The following FHIP1B variants were observed in gnomAD, a reference collection of about 807,000 sequenced individuals.
FHIP1B encodes the protein FHF complex subunit HOOK interacting protein 1B.
Under a neutral mutation model 82.2 loss-of-function variants are expected in FHIP1B, and 28 were observed. That is an observed-to-expected ratio of 0.34 (90% confidence interval 0.25 to 0.47). The LOEUF (loss-of-function observed/expected upper bound fraction) is 0.47, where lower values mean the gene tolerates loss of function less well. Ranked by LOEUF, FHIP1B falls within the 20% of genes least tolerant of loss-of-function variation. FHIP1B has a pLI of 1.00. For missense variants in FHIP1B, 1,110 were observed against 1,262.6 expected, an observed-to-expected ratio of 0.88 and a Z score of 1.83; for synonymous variants, 585 against 516.1, an observed-to-expected ratio of 1.13 and a Z score of -1.81.
rs186682833 is a variant in FHIP1B, at chr11:6,222,832, G to A, written c.1002C>T (p.Val334=). The change falls in exon 5 of 12, where the codon GTC becomes GTT. Residue 334 remains valine, a synonymous_variant. Transcript: ENST00000449352. Reference sequence around the variant, plus strand: ...TCACCTTGTGCAAGGCAGGACCCATGACAGGCACCAGGAACCCATTATGGA... The same window carrying A: ...TCACCTTGTGCAAGGCAGGACCCATAACAGGCACCAGGAACCCATTATGGA... ...DYIHNGFLVP[V]MGPALHKTSV... is the part of the protein sequence containing the mutation. 223 of 1,614,126 alleles carry A rather than the reference G, an allele frequency of 1.4e-4. No individual in the cohort carries two copies. Among genetic ancestry groups the A allele is most frequent in the Non-Finnish European group, 1.8e-4 (211 of 1,180,006 alleles).
intron 1 of FHIP1B, among the ~76,000 whole-genome samples, chr11:6,228,597 A>C (rs553487569): frequency 1.3e-5 from 2 of 152,326 alleles, no homozygotes; most frequent in South Asian, 2.1e-4. Flanking sequence ...TAAAGGATGG[A>C]TGCTACTTCA....
At chr11:6,227,422 A>G (rs190771948) in intron 1 of FHIP1B, among the ~76,000 whole-genome samples, 128 of 152,372 alleles carry the variant, frequency 8.4e-4, no homozygotes, top group African/African-American at 2.8e-3. Flanking sequence ...GACCTGGCAA[A>G]CAAATGGGGG....
At chr11:6,234,009 G>T (rs770778949) in intron 1 of FHIP1B, among the ~76,000 whole-genome samples, 1 of 152,138 alleles carries the variant, frequency 6.6e-6, no homozygotes, top group Non-Finnish European at 1.5e-5. Context: ...GGGAGCAGAG[G>T]AGTCAGGTGC....
intron 6 of FHIP1B, among the ~76,000 whole-genome samples, 192 bp from the exon 7 acceptor site, chr11:6,219,242 G>A (rs1024000406): frequency 1.1e-4 from 16 of 152,286 alleles, no homozygotes; most frequent in Non-Finnish European, 5.9e-5. Flanking sequence ...CGATCTTTGC[G>A]AGCAAGACTT....
In FHIP1B at chr11:6,223,403, A is replaced by T. The variant is rs76046645; in HGVS notation, c.778-165T>A. 1.1e-3 allele frequency among the ~76,000 whole-genome samples: 166 copies of T among 152,334 alleles called. 1 individual carries two copies. The highest frequency in any genetic ancestry group is 3.8e-3 in the African/African-American group (158 of 41,580). ...TGCCTGAAACTCACCTAGAATTCAC[A>T]GGCCTACAAAGAGACTTAGTATCTG... On this transcript the variant is annotated intron_variant, in intron 3 of 11. Coordinates refer to ENST00000449352, the MANE Select transcript of FHIP1B (RefSeq NM_001098794.2). The surrounding 1 kb of genome is among the most constrained non-coding windows in gnomAD (Gnocchi z 4.8).
intron 6 of FHIP1B, 89 bp from the exon 7 acceptor site, chr11:6,219,139 G>C (rs2133808021): frequency 1.1e-5 from 12 of 1,062,822 alleles, no homozygotes; most frequent in Non-Finnish European, 1.7e-5. Context: ...CCAGCCCCAA[G>C]TTGGCCCAAC....
intron 9 of FHIP1B, 166 bp downstream of exon 9, chr11:6,217,205 C>T (rs758833184): frequency 1.4e-6 from 1 of 724,488 alleles, no homozygotes; most frequent in Non-Finnish European, 2.5e-6. Flanking sequence ...GACACAGGGA[C>T]ACAAGTATGA....
chr11:6,224,165 G>T lies in FHIP1B; in HGVS notation c.222C>A (p.Tyr74Ter). The change falls in exon 3 of 12, where the codon TAC (tyrosine) becomes TAA (stop). Residue 74 changes from tyrosine to a stop codon, truncating the protein, a stop_gained. Coordinates refer to ENST00000449352, the MANE Select transcript of FHIP1B (RefSeq NM_001098794.2). LOFTEE classifies it high-confidence loss of function. ...CCTCTGCCAGCAGTGTCAACATCTG[G>T]TAAGTGTGGTTGCGCACAGCACTGA... ...DDLSAVRNHT[Y>*]QMLTLLAEDR... The T allele has an allele frequency of 1.9e-6, 3 of 1,614,020 alleles. No individual in the cohort carries two copies. Among genetic ancestry groups the T allele is most frequent in the Non-Finnish European group, 2.5e-6 (3 of 1,179,974 alleles).
At position 6,224,400 on chromosome 11, in the gene FHIP1B, G is replaced by A. The variant is rs752357494; in HGVS notation, c.117C>T (p.Val39=). ...CTACCTGGGACCAGTGATTCTTGAAGACCATGAGGCAGGTCTCGGGATCAG... is the reference window on the plus strand; with the variant it reads ...CTACCTGGGACCAGTGATTCTTGAAAACCATGAGGCAGGTCTCGGGATCAG... The part of the protein sequence containing the change: ...VMADPETCLM[V]FKNHWSQVVR... The change falls in exon 2 of 12, where the codon GTC becomes GTT. Residue 39 remains valine (V), a synonymous_variant. Transcript: ENST00000449352. 6 of 1,614,222 alleles carry A rather than the reference G, an allele frequency of 3.7e-6. No individual in the cohort carries two copies. Among genetic ancestry groups the A allele is most frequent in the Middle Eastern group, 1.6e-4 (1 of 6,062 alleles).
chr11:6,221,183 C>T (rs1053957165), intron 6 of FHIP1B, among the ~76,000 whole-genome samples: 7 of 152,054 alleles, frequency 4.6e-5, no homozygotes, highest in Admixed American at 4.6e-4. Flanking sequence ...TTCTTATACA[C>T]CCTAACTTAG....
Position 6,217,957 on chromosome 11 carries a change from C to G in FHIP1B, c.1629G>C (p.Glu543Asp). 1 of 1,613,174 alleles carries G rather than the reference C, an allele frequency of 6.2e-7. No individual in the cohort carries two copies. The highest frequency in any genetic ancestry group is 1.1e-5 in the South Asian group (1 of 91,088). ...GGTAATTGTCTTCCAGCTCTCCAGG[C>G]TCCTCTGCAGGGGTAGGCCGTCGGC... ...SPGRRPTPAE[E>D]PGELEDNYLE... is the part of the protein sequence containing the mutation. Residue 543 changes from glutamate (E) to aspartate (D), a missense_variant, in exon 9 of 12, where the codon GAG becomes GAC. By Grantham distance (45) the Glu-to-Asp change is conservative. This residue lies in a region of FHIP1B where 418 missense variants were observed against 371.4 expected (regional missense o/e 1.13). Coordinates refer to ENST00000449352, the MANE Select transcript of FHIP1B (RefSeq NM_001098794.2).
chr11:6,216,289 TG>T (rs1847223849), intron 9 of FHIP1B, among the ~76,000 whole-genome samples: 3 of 152,244 alleles, frequency 2.0e-5, no homozygotes, highest in Admixed American at 2.0e-4. Flanking sequence ...AGTCAGGACA[TG>T]AACTTATCAA....
chr11:6,232,743 T>A (rs1465899043), intron 1 of FHIP1B, among the ~76,000 whole-genome samples: 1 of 152,206 alleles, frequency 6.6e-6, no homozygotes, highest in Non-Finnish European at 1.5e-5. Flanking sequence ...CTCAACCTAA[T>A]ACAACAGCCA....
At position 6,218,026 on chromosome 11, in the gene FHIP1B, G is replaced by T; in HGVS notation, c.1560C>A (p.Ala520=). 6.2e-7 allele frequency: 1 copy of T among 1,613,534 alleles called. No homozygotes were observed. The highest frequency in any genetic ancestry group is 8.5e-7 in the Non-Finnish European group (1 of 1,179,780). Residue 520 remains alanine, a synonymous_variant, in exon 9 of 12, where the codon GCC becomes GCA. Coordinates refer to ENST00000449352, the MANE Select transcript of FHIP1B (RefSeq NM_001098794.2). ...SLGGSESPGP[A]PCSPGLSASP... is the part of the protein sequence containing the mutation. ...ATGCAGAAAGCCCTGGTGAGCAAGG[G>T]GCTGGGCCTGGAGACTCAGAGCCAC...
At chr11:6,229,798 A>G (rs1847651636) in intron 1 of FHIP1B, among the ~76,000 whole-genome samples, 1 of 152,184 alleles carries the variant, frequency 6.6e-6, no homozygotes, top group Admixed American at 6.5e-5. Context: ...TCAGCATCTC[A>G]GATTCCAAAA....
At chr11:6,218,486 T>C in intron 8 of FHIP1B, 114 bp downstream of exon 8, 3 of 1,483,636 alleles carry the variant, frequency 2.0e-6, no homozygotes, top group Non-Finnish European at 1.8e-6. Context: ...AGACAGACTA[T>C]CATTCATGGA....
Position 6,224,027 on chromosome 11 carries a change from C to A in FHIP1B, c.360G>T (p.Gly120=). 6.2e-7 allele frequency: 1 copy of A among 1,613,858 alleles called. No homozygotes were observed. Among genetic ancestry groups the A allele is most frequent in the Non-Finnish European group, 8.5e-7 (1 of 1,179,862 alleles). Residue 120 remains glycine, a synonymous_variant, in exon 3 of 12, where the codon GGG becomes GGT. Coordinates refer to ENST00000449352, the MANE Select transcript of FHIP1B (RefSeq NM_001098794.2). ...LTWQLQWDEL[G]DGVEERRAEQ... Reference sequence around the variant, plus strand: ...CAGCCCGCCGTTCCTCGACCCCATCCCCAAGCTCATCCCATTGCAGCTGCC... The same window carrying A: ...CAGCCCGCCGTTCCTCGACCCCATCACCAAGCTCATCCCATTGCAGCTGCC...
chr11:6,219,609 G>A (rs182307799), intron 6 of FHIP1B, among the ~76,000 whole-genome samples: 9 of 152,304 alleles, frequency 5.9e-5, no homozygotes, highest in East Asian at 1.9e-4. Flanking sequence ...CAACTCAAGC[G>A]CAGCTGACAG....
rs977166017 is a variant in FHIP1B, at chr11:6,212,239, C to T, written c.2558-372G>A. On this transcript the variant is annotated intron_variant, in intron 11 of 11. Transcript: ENST00000449352. Reference sequence around the variant, plus strand: ...CCTTCTCCATGCCCTCTCACCCTGACGAATTCTCCTATTTCCAATCACTAA... The same window carrying T: ...CCTTCTCCATGCCCTCTCACCCTGATGAATTCTCCTATTTCCAATCACTAA... Among the ~76,000 whole-genome samples, 18 of 152,122 alleles carry T rather than the reference C, an allele frequency of 1.2e-4. No individual in the cohort carries two copies. In the South Asian group the frequency reaches 1.2e-3, roughly 11 times the overall value.
Sources: gnomAD v4.1 joint callset for allele counts (sites outside exome capture counted in the v4.1 genomes callset) on GRCh38, gnomAD v4.1.1 for gene constraint, gnomAD v4.1.1 regional missense constraint, Gnocchi (gnomAD v3.1) non-coding constraint, MANE v1.5 for transcripts, NCBI Gene and HGNC (gene_info 2026-07-23, HGNC 2026-07-21) for gene names.